Variants in RELN observed in about 807,000 individuals in gnomAD.
RELN encodes reelin.
Under a neutral mutation model 427.6 loss-of-function variants are expected in RELN, and 108 were observed. The observed-to-expected ratio is 0.25, with a 90% CI of 0.22 to 0.30. RELN has a LOEUF of 0.30. Ranked by LOEUF, RELN falls within the 10% of genes least tolerant of loss-of-function variation. RELN has a pLI of 1.00. For synonymous variants in RELN, 1,524 were observed against 1,513.4 expected (o/e 1.01, Z -0.16); for missense variants, 3,715 against 4,302.8 (o/e 0.86, Z 3.82).
intron 1 of RELN, among the ~76,000 whole-genome samples, chr7:103,946,094 C>T (rs990769750): frequency 6.6e-6 from 1 of 152,184 alleles, no homozygotes; most frequent in Non-Finnish European, 1.5e-5. Context: ...CTTCATAAAG[C>T]ACTGACTGTG....
At chr7:103,652,018 C>G (rs1214449392) in intron 14 of RELN, among the ~76,000 whole-genome samples, 6 of 152,032 alleles carry the variant, frequency 3.9e-5, no homozygotes, top group Non-Finnish European at 7.4e-5. Context: ...TCAAAGACAA[C>G]AAATGGTAAC....
At chr7:103,696,812 A>C (rs1361544651) in intron 10 of RELN, among the ~76,000 whole-genome samples, 2 of 152,110 alleles carry the variant, frequency 1.3e-5, no homozygotes, top group African/African-American at 2.4e-5. Context: ...GGGATATTTC[A>C]AAAACAAATA....
chr7:103,761,179 C>T (rs915979056), intron 4 of RELN, among the ~76,000 whole-genome samples: 16 of 151,962 alleles, frequency 1.1e-4, no homozygotes, highest in Admixed American at 2.6e-4. Context: ...CTAATATAAA[C>T]GAAATAGGAA....
chr7:103,588,022 A>C (rs1410323972), intron 28 of RELN, among the ~76,000 whole-genome samples: 1 of 152,206 alleles, frequency 6.6e-6, no homozygotes, highest in East Asian at 1.9e-4. Context: ...ATGATCCAGT[A>C]ATCCTACTAC....
rs1796784098 is a variant in RELN, at chr7:103,972,506, A to G, written c.226+16625T>C. Among the ~76,000 whole-genome samples, 3 of 152,232 alleles carry G rather than the reference A, an allele frequency of 2.0e-5. No homozygotes were observed. The South Asian group carries it at 6.2e-4, about 31-fold the overall frequency. ...AGAATTACAGAGTAAATAGGTGTGG[A>G]TGGCACTGTCCCACTGAGAAGCACT... On this transcript the variant is annotated intron_variant, in intron 1 of 64. Coordinates refer to ENST00000428762, the MANE Select transcript of RELN (RefSeq NM_005045.4).
At chr7:103,482,828 A>G (rs772449230) in intron 63 of RELN, 45 bp downstream of exon 63, 1 of 1,613,926 alleles carries the variant, frequency 6.2e-7, no homozygotes, top group East Asian at 2.2e-5. Context: ...AGGAATTTCA[A>G]ACCTTCCTGA....
chr7:103,499,272 G>C (rs1214260438), intron 53 of RELN, among the ~76,000 whole-genome samples: 7 of 152,092 alleles, frequency 4.6e-5, no homozygotes, highest in African/African-American at 1.7e-4. Context: ...AAGAATGATT[G>C]ACAACCAGAA....
intron 46 of RELN, among the ~76,000 whole-genome samples, chr7:103,524,354 A>G (rs1442809446): frequency 6.6e-6 from 1 of 152,242 alleles, no homozygotes; most frequent in Non-Finnish European, 1.5e-5. Flanking sequence ...AAGAGAGAGC[A>G]TAATAAATGA....
chr7:103,960,224 C>T (rs1796520784), intron 1 of RELN, among the ~76,000 whole-genome samples: 1 of 152,198 alleles, frequency 6.6e-6, no homozygotes, highest in Non-Finnish European at 1.5e-5. Context: ...CCCTTCTTTG[C>T]TCACCTTCCT....
chr7:103,763,540 G>A (rs972180021), intron 4 of RELN, among the ~76,000 whole-genome samples: 2 of 152,160 alleles, frequency 1.3e-5, no homozygotes, highest in Admixed American at 6.5e-5. Flanking sequence ...GATGATATAG[G>A]AGGAGACACT....
intron 1 of RELN, among the ~76,000 whole-genome samples, chr7:103,936,711 C>T (rs182400923): frequency 1.1e-3 from 115 of 101,984 alleles, no homozygotes; most frequent in African/African-American, 3.6e-3. Flanking sequence ...GAAATTCCTA[C>T]GCACACACAC....
chr7:103,618,008 C>T lies in RELN; in HGVS notation c.2703-6205G>A, dbSNP rs1235270800. On this transcript the variant is annotated intron_variant, in intron 20 of 64. Transcript: ENST00000428762. The stretch of plus-strand genomic sequence containing the variant: ...GAGTGGAAGCAGCCTGAATCCCTCA[C>T]CACAGGCAAATGTCGGCACTGTACT... 3.9e-5 allele frequency among the ~76,000 whole-genome samples: 6 copies of T among 152,170 alleles called. No individual in the cohort carries two copies. In the South Asian group the frequency reaches 8.3e-4, roughly 21 times the overall value.
At chr7:103,859,702 C>T (rs1056369859) in intron 2 of RELN, among the ~76,000 whole-genome samples, 2 of 152,064 alleles carry the variant, frequency 1.3e-5, no homozygotes, top group Non-Finnish European at 1.5e-5. Context: ...CATTGCATTC[C>T]CCATAGTGAA....
intron 4 of RELN, among the ~76,000 whole-genome samples, chr7:103,774,700 T>C (rs1254398259): frequency 6.6e-6 from 1 of 152,188 alleles, no homozygotes; most frequent in Non-Finnish European, 1.5e-5. Flanking sequence ...AGAATAAATA[T>C]ATAGTTTATA....
intron 4 of RELN, among the ~76,000 whole-genome samples, chr7:103,776,181 G>A (rs956130115): frequency 1.1e-4 from 17 of 152,162 alleles, no homozygotes; most frequent in African/African-American, 3.9e-4. Flanking sequence ...TGTATAATAT[G>A]ATCAAATGTT....
At chr7:103,540,091 G>A (rs561649074) in intron 44 of RELN, 106 bp downstream of exon 44, 620 of 1,296,834 alleles carry the variant, frequency 4.8e-4, no homozygotes, top group Non-Finnish European at 6.5e-4. Context: ...TCAACTGTCA[G>A]TTCTGGGTTT....
intron 6 of RELN, among the ~76,000 whole-genome samples, chr7:103,733,617 A>T (rs1790414327): frequency 7.0e-6 from 1 of 143,572 alleles, no homozygotes; most frequent in Admixed American, 7.0e-5. Flanking sequence ...GCCATAAAAA[A>T]TGATGAGTTC....
At position 103,962,646 on chromosome 7, in the gene RELN, T is replaced by TTGTGTGTGTGTGTG. The variant is rs57782980; in HGVS notation, c.226+26471_226+26484dup. 1.4e-3 allele frequency among the ~76,000 whole-genome samples: 210 copies of TTGTGTGTGTGTGTG among 149,922 alleles called. 2 individuals carry two copies. Among genetic ancestry groups the TTGTGTGTGTGTGTG allele is most frequent in the African/African-American group, 4.8e-3 (195 of 40,828 alleles). ...TGTTGGATTTTCCATTCCAAAGTTGTTGTGTGTGTGTGTGTGTGTGTGTGT... is the reference window on the plus strand; with the variant it reads ...TGTTGGATTTTCCATTCCAAAGTTGTTGTGTGTGTGTGTGTGTGTGTGTGTGTGTGTGTGTGTGT... On this transcript the variant is annotated intron_variant, in intron 1 of 64. Coordinates refer to ENST00000428762, the MANE Select transcript of RELN (RefSeq NM_005045.4).
chr7:103,503,052 C>A lies in RELN; in HGVS notation c.8453G>T (p.Arg2818Met), dbSNP rs1452648540. The A allele has an allele frequency of 6.2e-7, 1 of 1,614,032 alleles. No individual in the cohort carries two copies. The change falls in exon 52 of 65, where the codon AGG becomes ATG. Residue 2818 changes from arginine (R) to methionine (M), a missense_variant. Physicochemically the swap from Arg to Met is moderately conservative, Grantham distance 91. Transcript: ENST00000428762. The part of the protein sequence containing the change: ...SVFFPTKGWK[R>M]ITYPLPESLV... ...GCTTTCAGGAAGTGGGTAGGTGATC[C>A]TTTTCCACCCTTTAGTTGGAAAGAA...
Sources: allele counts gnomAD v4.1 joint callset (sites outside exome capture counted in the v4.1 genomes callset), GRCh38; gene constraint gnomAD v4.1.1; transcripts MANE v1.5; gene names NCBI Gene and HGNC (gene_info 2026-07-23, HGNC 2026-07-21).